Variants in PCDHGA5 observed in about 807,000 individuals in gnomAD.
PCDHGA5 encodes protocadherin gamma-A5.
Under a neutral mutation model 56.7 loss-of-function variants are expected in PCDHGA5, and 36 were observed. That is an observed-to-expected ratio of 0.64 (90% CI 0.49 to 0.84). The LOEUF (loss-of-function observed/expected upper bound fraction) is 0.84. Among genes scored for constraint, PCDHGA5 ranks in the 40% least tolerant of loss-of-function variants. PCDHGA5 has a pLI of 0.00. For missense variants in PCDHGA5, 1,305 were observed against 1,201.5 expected (o/e 1.09, Z -1.27); for synonymous variants, 563 against 520.2 (o/e 1.08, Z -1.12).
chr5:141,447,709 T>C (rs896203283), intron 1 of PCDHGA5, among the ~76,000 whole-genome samples: 1 of 152,210 alleles, frequency 6.6e-6, no homozygotes, highest in East Asian at 1.9e-4. Context: ...TATAAGGATG[T>C]ACACATTTTC....
Position 141,399,283 on chromosome 5 carries a change from G to T in PCDHGA5, c.2421+32532G>T, listed in dbSNP as rs533695738. ...GGTTAATTGTCAATTACAAGGCGAA[G>T]TCCCTTTTAAGATTATCTCTTCATC... On this transcript the variant is annotated intron_variant, in intron 1 of 3. Coordinates refer to ENST00000518069, the MANE Select transcript of PCDHGA5 (RefSeq NM_018918.3). The T allele has an allele frequency of 5.0e-6, 8 of 1,613,888 alleles. No individual in the cohort carries two copies. The South Asian group carries it at 7.7e-5, about 16-fold the overall frequency.
intron 1 of PCDHGA5, among the ~76,000 whole-genome samples, chr5:141,457,873 G>C (rs967389295): frequency 2.0e-5 from 3 of 152,200 alleles, no homozygotes; most frequent in Non-Finnish European, 4.4e-5. Context: ...CCACAGGTTA[G>C]GAACCCTGTG....
At chr5:141,422,745 C>G (rs1380262961) in intron 1 of PCDHGA5, 15 of 1,610,564 alleles carry the variant, frequency 9.3e-6, no homozygotes, top group Non-Finnish European at 1.3e-5. Flanking sequence ...CCTCCTATGT[C>G]TCTATTAACT....
Position 141,477,575 on chromosome 5 carries a change from C to T in PCDHGA5, c.2422-17232C>T. The T allele has an allele frequency of 6.2e-7, 1 of 1,614,176 alleles. No individual in the cohort carries two copies. The highest frequency in any genetic ancestry group is 8.5e-7 in the Non-Finnish European group (1 of 1,180,030). On this transcript the variant is annotated intron_variant, in intron 1 of 3. Coordinates refer to ENST00000518069, the MANE Select transcript of PCDHGA5 (RefSeq NM_018918.3). This position sits in a 1 kb window ranked among gnomAD's most constrained non-coding sequence, Gnocchi z 4.9. ...CCTAAGTGTCTGGGACCCCGACGCC[C>T]CGCAGAATGCTCGGCTTTCTTTCTT... is the stretch of plus-strand genomic sequence containing the variant.
intron 1 of PCDHGA5, chr5:141,426,745 A>G (rs866203428): frequency 6.2e-5 from 28 of 454,130 alleles, no homozygotes; most frequent in Middle Eastern, 6.5e-4. Context: ...TTTGGCCTGG[A>G]ATCTGCTATA....
At chr5:141,471,185 A>G (rs58340688) in intron 1 of PCDHGA5, 16,257 of 151,174 alleles carry the variant, frequency 0.11, 890 homozygotes, top group South Asian at 0.15. Context: ...TAGTAGCTGG[A>G]ATTACAGGCA....
intron 1 of PCDHGA5, chr5:141,372,263 G>T (rs373583904): frequency 2.5e-6 from 4 of 1,613,110 alleles, no homozygotes; most frequent in African/African-American, 1.3e-5. Flanking sequence ...GCCTGCGCAC[G>T]GGTGAGGTGC....
chr5:141,428,320 T>C (rs2097132935), intron 1 of PCDHGA5: 2 of 650,176 alleles, frequency 3.1e-6, no homozygotes, highest in Admixed American at 2.2e-5. Context: ...GGCCTTGGCC[T>C]TGATTTCTAT....
chr5:141,392,692 C>T, intron 1 of PCDHGA5: 11 of 1,148,308 alleles, frequency 9.6e-6, no homozygotes, highest in Non-Finnish European at 1.3e-5. Flanking sequence ...CGAAACCCGA[C>T]CCCTGTTTGG....
At chr5:141,406,273 G>A (rs1366399912) in intron 1 of PCDHGA5, among the ~76,000 whole-genome samples, 2 of 151,898 alleles carry the variant, frequency 1.3e-5, no homozygotes, top group Non-Finnish European at 2.9e-5. Context: ...TCCTGCTTCA[G>A]TTTCCCAAAG....
chr5:141,367,277 G>T (rs1319740168), intron 1 of PCDHGA5: 2 of 153,324 alleles, frequency 1.3e-5, no homozygotes, highest in African/African-American at 4.8e-5. Context: ...GGTGGCTGAC[G>T]CCTGTAATCC....
At chr5:141,369,679 CAT>C (rs1189576308) in intron 1 of PCDHGA5, among the ~76,000 whole-genome samples, 3 of 152,162 alleles carry the variant, frequency 2.0e-5, no homozygotes, top group Middle Eastern at 3.4e-3. Flanking sequence ...GAAAGTGAAA[CAT>C]AGAATAAAAC....
At chr5:141,465,856 C>T (rs1442431032) in intron 1 of PCDHGA5, among the ~76,000 whole-genome samples, 1 of 152,184 alleles carries the variant, frequency 6.6e-6, no homozygotes, top group East Asian at 1.9e-4. Context: ...GGCCCAGTGG[C>T]TCATGCCTGT....
Position 141,432,479 on chromosome 5 carries a change from G to A in PCDHGA5, c.2422-62328G>A, listed in dbSNP as rs771261875. ...CGCCCTCCCCACGGACGGTTCCACT[G>A]GCGTGGAGCTGGCTCCCCGCTCCGC... On this transcript the variant is annotated intron_variant, in intron 1 of 3. Transcript: ENST00000518069. The surrounding 1 kb of genome is among the most constrained non-coding windows in gnomAD (Gnocchi z 6.0). The A allele has an allele frequency of 3.8e-5, 62 of 1,614,076 alleles. No individual in the cohort carries two copies. Among genetic ancestry groups the A allele is most frequent in the Non-Finnish European group, 4.9e-5 (58 of 1,180,052 alleles).
intron 1 of PCDHGA5, among the ~76,000 whole-genome samples, chr5:141,462,825 C>T (rs1040054698): frequency 4.6e-5 from 7 of 152,124 alleles, no homozygotes; most frequent in Admixed American, 3.9e-4. Context: ...GGACAGCAGA[C>T]ATTGTAAATG....
intron 1 of PCDHGA5, among the ~76,000 whole-genome samples, chr5:141,444,150 GGATTT>G (rs2098419598): frequency 1.8e-5 from 2 of 114,012 alleles, no homozygotes; most frequent in Non-Finnish European, 3.5e-5. Flanking sequence ...TGTGTGTACT[GGATTT>G]TTTTTTTTTT....
At position 141,477,197 on chromosome 5, in the gene PCDHGA5, G is replaced by A. The variant is rs781504885; in HGVS notation, c.2422-17610G>A. ...CACAGTCACCTCCGTGTACAGCCCA[G>A]TACCCGAGGATGCCCCTCTGGGGAC... On this transcript the variant is annotated intron_variant, in intron 1 of 3. Coordinates refer to ENST00000518069, the MANE Select transcript of PCDHGA5 (RefSeq NM_018918.3). The surrounding 1 kb of genome is among the most constrained non-coding windows in gnomAD (Gnocchi z 4.9). 1 of 1,614,210 alleles carries A rather than the reference G, an allele frequency of 6.2e-7. No homozygotes were observed. Among genetic ancestry groups the A allele is most frequent in the East Asian group, 2.2e-5 (1 of 44,874 alleles).
intron 1 of PCDHGA5, among the ~76,000 whole-genome samples, chr5:141,470,737 G>A (rs117064561): frequency 6.6e-6 from 1 of 152,016 alleles, no homozygotes; most frequent in African/African-American, 2.4e-5. Flanking sequence ...TTGCTCTGTC[G>A]CCCTGGCTGG....
rs978782104 is a variant in PCDHGA5 at position 141,431,445 on chromosome 5, G to C, written c.2422-63362G>C. 1 of 1,613,742 alleles carries C rather than the reference G, an allele frequency of 6.2e-7. No homozygotes were observed. On this transcript the variant is annotated intron_variant, in intron 1 of 3. Transcript: ENST00000518069. This position sits in a 1 kb window ranked among gnomAD's most constrained non-coding sequence, Gnocchi z 4.8. ...GTGCGCACAGGCACCGCGCGCATCC[G>C]CGTGATGGTTCTGGATGCGAACGAC...
Sources: allele counts gnomAD v4.1 joint callset (sites outside exome capture counted in the v4.1 genomes callset), GRCh38; gene constraint gnomAD v4.1.1; non-coding constraint Gnocchi (gnomAD v3.1); transcripts MANE v1.5; gene names NCBI Gene and HGNC (gene_info 2026-07-23, HGNC 2026-07-21).